Variants in ZNF280D observed in about 807,000 individuals in gnomAD.
ZNF280D encodes the protein suppressor of hairy wing homolog 4.
In ZNF280D, 39 loss-of-function variants were observed where a neutral mutation model predicts 94.7. That is an observed-to-expected ratio of 0.41 (90% CI 0.32 to 0.54). ZNF280D has a LOEUF of 0.54. ZNF280D is among the 20% of genes least tolerant of loss of function. ZNF280D has a pLI of 0.22. For missense variants in ZNF280D, 1,090 were observed against 1,149.3 expected, an observed-to-expected ratio of 0.95 and a Z score of 0.75; for synonymous variants, 398 against 377.6, an observed-to-expected ratio of 1.05 and a Z score of -0.63.
intron 19 of ZNF280D, chr15:56,653,549 TG>T (rs752110015): frequency 1.4e-5 from 22 of 1,519,134 alleles, no homozygotes; most frequent in Non-Finnish European, 1.9e-5. Flanking sequence ...AGGGGGACAC[TG>T]TCCAGGTATA....
At chr15:56,654,617 C>T in intron 17 of ZNF280D, 114 bp from the exon 18 acceptor site, 2 of 890,698 alleles carry the variant, frequency 2.2e-6, no homozygotes, top group Non-Finnish European at 3.4e-6. Context: ...TATAACTTCC[C>T]ATTTTTGTTA....
intron 19 of ZNF280D, among the ~76,000 whole-genome samples, chr15:56,644,572 G>A (rs2052787540): frequency 6.6e-6 from 1 of 152,096 alleles, no homozygotes; most frequent in South Asian, 2.1e-4. Context: ...AATATTTCAT[G>A]AAAGATTTTT....
chr15:56,695,213 C>G (rs2056674704), intron 6 of ZNF280D, among the ~76,000 whole-genome samples: 1 of 152,002 alleles, frequency 6.6e-6, no homozygotes, highest in Admixed American at 6.6e-5. Context: ...GCTGGGACTA[C>G]AGGCTCATGC....
At chr15:56,659,187 A>T in intron 16 of ZNF280D, among the ~76,000 whole-genome samples, 1 of 150,696 alleles carries the variant, frequency 6.6e-6, no homozygotes, top group South Asian at 2.1e-4. Flanking sequence ...AAAAAAAAAA[A>T]AAAAAAAAAA....
chr15:56,692,336 G>A (rs961675909), intron 7 of ZNF280D, among the ~76,000 whole-genome samples: 2 of 151,650 alleles, frequency 1.3e-5, no homozygotes, highest in Admixed American at 6.6e-5. Flanking sequence ...TAAATTCTCC[G>A]CACTGATTTG....
chr15:56,667,264 A>G (rs1040529972), intron 14 of ZNF280D, among the ~76,000 whole-genome samples: 3 of 152,216 alleles, frequency 2.0e-5, no homozygotes, highest in Non-Finnish European at 4.4e-5. Flanking sequence ...TGAATATACA[A>G]AGAGCACATT....
rs2054314056 is a variant in ZNF280D at position 56,666,696 on chromosome 15, T to C, written c.1836A>G (p.Thr612=). ...ASSNKKSKVN[T]ALRNLRYRRG... is the part of the protein sequence containing the mutation. ...AAGATTACCTTAAATTCCTCAATGC[T>C]GTATTGACTTTACTTTTTTTATTGC... The change falls in exon 15 of 22, where the codon ACA becomes ACG. Residue 612 remains threonine (T), a synonymous_variant. Transcript: ENST00000267807. The C allele has an allele frequency of 6.2e-7, 1 of 1,606,746 alleles. No homozygotes were observed.
At chr15:56,719,238 G>A (rs1312045290) in intron 1 of ZNF280D, among the ~76,000 whole-genome samples, 1 of 152,070 alleles carries the variant, frequency 6.6e-6, no homozygotes, top group Admixed American at 6.6e-5. Flanking sequence ...GTGTTTGGGT[G>A]GAAGAGACAA....
intron 13 of ZNF280D, among the ~76,000 whole-genome samples, chr15:56,675,338 T>C (rs2055146976): frequency 6.6e-6 from 1 of 151,978 alleles, no homozygotes; most frequent in African/African-American, 2.4e-5. Context: ...CATTCTCCCT[T>C]TCAAAATTAA....
intron 19 of ZNF280D, 154 bp downstream of exon 19, chr15:56,654,044 G>A (rs1466451006): frequency 2.0e-5 from 30 of 1,492,230 alleles, no homozygotes; most frequent in Non-Finnish European, 2.5e-5. Context: ...GAGCTCCATA[G>A]AGCAGGAACC....
intron 21 of ZNF280D, among the ~76,000 whole-genome samples, 185 bp downstream of exon 21, chr15:56,635,010 G>A (rs967915764): frequency 6.6e-6 from 1 of 151,876 alleles, no homozygotes; most frequent in African/African-American, 2.4e-5. Context: ...AAAAACAAAG[G>A]ATATAGAGAA....
intron 11 of ZNF280D, 134 bp from the exon 12 acceptor site, chr15:56,677,808 T>C: frequency 3.3e-6 from 1 of 306,262 alleles, no homozygotes; most frequent in East Asian, 6.9e-5. Context: ...GTTAACTATG[T>C]GCAAAGAACA....
At chr15:56,693,502 G>A (rs1281069255) in intron 6 of ZNF280D, among the ~76,000 whole-genome samples, 1 of 151,886 alleles carries the variant, frequency 6.6e-6, no homozygotes, top group African/African-American at 2.4e-5. Flanking sequence ...AAACTAAAAT[G>A]GGGGGCATAT....
chr15:56,679,108 T>A (rs931322558), intron 10 of ZNF280D, among the ~76,000 whole-genome samples: 4 of 152,126 alleles, frequency 2.6e-5, no homozygotes, highest in East Asian at 1.9e-4. Context: ...TTTAAAAAAT[T>A]TTTTTAGATA....
At chr15:56,714,143 AAGTATCTTTTTCAGAATC>A (rs1451665479) in intron 1 of ZNF280D, among the ~76,000 whole-genome samples, 1 of 152,200 alleles carries the variant, frequency 6.6e-6, no homozygotes, top group Admixed American at 6.5e-5. Context: ...TTAGAAAACT[AAGTATCTTTTTCAGAATC>A]AGTCCAGTTG....
At chr15:56,650,645 T>C (rs1165080741) in intron 19 of ZNF280D, among the ~76,000 whole-genome samples, 4 of 152,186 alleles carry the variant, frequency 2.6e-5, no homozygotes, top group African/African-American at 9.6e-5. Flanking sequence ...ACTTGAGTTA[T>C]TATGTATTTA....
At chr15:56,680,049 T>C (rs574028288) in intron 10 of ZNF280D, among the ~76,000 whole-genome samples, 208 of 152,288 alleles carry the variant, frequency 1.4e-3, no homozygotes, top group Middle Eastern at 3.4e-3. Flanking sequence ...TGAGTTCCCA[T>C]CAACTCATAC....
At chr15:56,712,675 AAAAT>A (rs1369375390) in intron 1 of ZNF280D, among the ~76,000 whole-genome samples, 5 of 151,632 alleles carry the variant, frequency 3.3e-5, no homozygotes, top group African/African-American at 9.6e-5. Flanking sequence ...TATTTTCTAA[AAAAT>A]AAATAAATAA....
At chr15:56,653,022 T>C in intron 19 of ZNF280D, 1 of 957,708 alleles carries the variant, frequency 1.0e-6, no homozygotes, top group Non-Finnish European at 1.2e-6. Flanking sequence ...AATTAATTTT[T>C]AAAAAATCAA....
Sources: gnomAD v4.1 joint callset for allele counts (sites outside exome capture counted in the v4.1 genomes callset) on GRCh38, gnomAD v4.1.1 for gene constraint, MANE v1.5 for transcripts, NCBI Gene and HGNC (gene_info 2026-07-23, HGNC 2026-07-21) for gene names.